EMCN: variants seen among roughly 807,000 people sequenced by gnomAD.
The protein encoded by EMCN is MUC-14.
Under a neutral mutation model 38.4 loss-of-function variants are expected in EMCN, and 37 were observed. That is an observed-to-expected ratio of 0.96 (90% confidence interval 0.74 to 1.27). The LOEUF (loss-of-function observed/expected upper bound fraction) is 1.27, where lower values mean the gene tolerates loss of function less well. EMCN is among the 50% of genes most tolerant of loss of function. EMCN has a pLI of 0.00. For missense variants in EMCN, 318 were observed against 302.8 expected (o/e 1.05, Z -0.37); for synonymous variants, 95 against 100.8 (o/e 0.94, Z 0.35).
chr4:100,424,359 G>A (rs773165458), intron 5 of EMCN, among the ~76,000 whole-genome samples: 3 of 151,984 alleles, frequency 2.0e-5, no homozygotes, highest in Non-Finnish European at 4.4e-5. Flanking sequence ...GGCCATACTT[G>A]TCCACACACC....
chr4:100,461,338 A>T (rs1446970134), intron 4 of EMCN, among the ~76,000 whole-genome samples: 1 of 152,044 alleles, frequency 6.6e-6, no homozygotes, highest in Non-Finnish European at 1.5e-5. Flanking sequence ...TTTTATTATT[A>T]TTTAGAGTAT....
chr4:100,414,348 C>CTTTTTTTTT lies in EMCN; in HGVS notation c.751+1541_751+1549dup, dbSNP rs5860622. Among the ~76,000 whole-genome samples, 3 of 59,810 alleles carry CTTTTTTTTT rather than the reference C, an allele frequency of 5.0e-5. 1 individual carries two copies. The highest frequency in any genetic ancestry group is 6.8e-5 in the Non-Finnish European group (2 of 29,422). The allele number at this position is 59,810 out of a possible 152,430, so 39.2% of individuals were successfully genotyped here. ...TGGTTCACATTAGGCTGCTTGAGCA[C>CTTTTTTTTT]TTTTTTTTTTTTTTTTTTTTTTTTT... On this transcript the variant is annotated intron_variant, in intron 10 of 11. Transcript: ENST00000296420.
intron 11 of EMCN, among the ~76,000 whole-genome samples, chr4:100,400,762 C>T (rs779852511): frequency 3.9e-5 from 6 of 152,158 alleles, no homozygotes; most frequent in Non-Finnish European, 8.8e-5. Flanking sequence ...CAAAGATCAG[C>T]AACCTAAATA....
At chr4:100,414,778 T>C (rs1578396222) in intron 10 of EMCN, among the ~76,000 whole-genome samples, 1 of 152,312 alleles carries the variant, frequency 6.6e-6, no homozygotes, top group East Asian at 1.9e-4. Context: ...TAGTTTTCTG[T>C]TTTACAAAAT....
At chr4:100,418,571 C>T (rs1726801386) in intron 8 of EMCN, among the ~76,000 whole-genome samples, 1 of 152,056 alleles carries the variant, frequency 6.6e-6, no homozygotes, top group South Asian at 2.1e-4. Context: ...TGGTAGCCAT[C>T]CTTCTACTCT....
intron 11 of EMCN, among the ~76,000 whole-genome samples, chr4:100,399,970 G>C (rs1253946377): frequency 6.6e-6 from 1 of 152,072 alleles, no homozygotes; most frequent in Non-Finnish European, 1.5e-5. Flanking sequence ...TGTGGATAAA[G>C]GACTTTTGAT....
At chr4:100,435,626 T>C (rs998479699) in intron 5 of EMCN, among the ~76,000 whole-genome samples, 5 of 152,146 alleles carry the variant, frequency 3.3e-5, no homozygotes, top group Admixed American at 6.5e-5. Flanking sequence ...GACTTCAAAC[T>C]ATATTACAAG....
At chr4:100,461,971 G>A (rs542749654) in intron 4 of EMCN, among the ~76,000 whole-genome samples, 3 of 152,312 alleles carry the variant, frequency 2.0e-5, no homozygotes, top group African/African-American at 4.8e-5. Context: ...TGGGCGGAAA[G>A]GGAGTGGTGC....
chr4:100,491,925 G>A (rs529385049), intron 1 of EMCN, among the ~76,000 whole-genome samples: 1 of 152,314 alleles, frequency 6.6e-6, no homozygotes, highest in African/African-American at 2.4e-5. Flanking sequence ...AAGAACACCT[G>A]TGAAATTTAG....
At chr4:100,502,365 G>A (rs2110302043) in intron 1 of EMCN, among the ~76,000 whole-genome samples, 1 of 152,174 alleles carries the variant, frequency 6.6e-6, no homozygotes, top group Non-Finnish European at 1.5e-5. Context: ...ATTTACCTAT[G>A]CAAGCTTGCA....
chr4:100,462,539 A>G (rs565583193), intron 4 of EMCN, among the ~76,000 whole-genome samples: 10 of 152,092 alleles, frequency 6.6e-5, no homozygotes, highest in African/African-American at 2.4e-4. Flanking sequence ...TTTGAGTCTA[A>G]TTTTCCAGAA....
chr4:100,414,235 C>T (rs183528965), intron 10 of EMCN, among the ~76,000 whole-genome samples: 1 of 151,992 alleles, frequency 6.6e-6, no homozygotes, highest in African/African-American at 2.4e-5. Context: ...TGTGTGATGC[C>T]TGCTTGCAAG....
intron 1 of EMCN, among the ~76,000 whole-genome samples, chr4:100,481,408 T>C (rs1728802229): frequency 6.6e-6 from 1 of 152,124 alleles, no homozygotes; most frequent in Non-Finnish European, 1.5e-5. Context: ...TGACTCTTTA[T>C]AGATAGCACA....
chr4:100,457,718 T>C (rs1728057831), intron 4 of EMCN, among the ~76,000 whole-genome samples: 2 of 152,200 alleles, frequency 1.3e-5, no homozygotes, highest in Non-Finnish European at 2.9e-5. Context: ...TTGTTGAACG[T>C]ATTTGCATCA....
At chr4:100,412,199 T>C (rs962001239) in intron 10 of EMCN, among the ~76,000 whole-genome samples, 1 of 152,054 alleles carries the variant, frequency 6.6e-6, no homozygotes, top group Non-Finnish European at 1.5e-5. Flanking sequence ...ATGAATGAAG[T>C]CGGAGAAATA....
At position 100,434,644 on chromosome 4, in the gene EMCN, G is replaced by A. The variant is rs565523850; in HGVS notation, c.416-11240C>T. On this transcript the variant is annotated intron_variant, in intron 5 of 11. Transcript: ENST00000296420. ...ATCCTCAATAAAATACTGGCAAACCGAATCCAGCAGCACATCAAAAAGCTT... is the reference window on the plus strand; with the variant it reads ...ATCCTCAATAAAATACTGGCAAACCAAATCCAGCAGCACATCAAAAAGCTT... Among the ~76,000 whole-genome samples, 32 of 152,080 alleles carry A rather than the reference G, an allele frequency of 2.1e-4. No homozygotes were observed. The South Asian group carries it at 6.0e-3, about 29-fold the overall frequency.
intron 5 of EMCN, among the ~76,000 whole-genome samples, chr4:100,429,567 T>C (rs1727143115): frequency 6.6e-6 from 1 of 152,136 alleles, no homozygotes; most frequent in South Asian, 2.1e-4. Context: ...ACCTTAAATT[T>C]CCTTTGCTTT....
At chr4:100,432,030 G>C (rs570339200) in intron 5 of EMCN, among the ~76,000 whole-genome samples, 1 of 152,258 alleles carries the variant, frequency 6.6e-6, no homozygotes, top group South Asian at 2.1e-4. Flanking sequence ...CTGCCTGTCT[G>C]TGTGAAAATG....
chr4:100,421,168 T>A, intron 8 of EMCN, 114 bp downstream of exon 8: 1 of 936,532 alleles, frequency 1.1e-6, no homozygotes, highest in South Asian at 1.4e-5. Context: ...GATCAGGAAA[T>A]ATGACATTTC....
Sources: allele counts gnomAD v4.1 joint callset (sites outside exome capture counted in the v4.1 genomes callset), GRCh38; gene constraint gnomAD v4.1.1; transcripts MANE v1.5; gene names NCBI Gene and HGNC (gene_info 2026-07-23, HGNC 2026-07-21).